BCAS1: variants seen among roughly 807,000 people sequenced by gnomAD.
BCAS1 encodes brain enriched myelin associated protein 1, also known as breast carcinoma-amplified sequence 1.
A neutral mutation model predicts 65.4 loss-of-function variants in BCAS1; 46 were observed. The ratio of observed to expected loss-of-function variants is 0.70; its 90% confidence interval spans 0.55 to 0.90. BCAS1 has a LOEUF of 0.90. Among genes scored for constraint, BCAS1 ranks in the 40% least tolerant of loss-of-function variants. The probability of loss-of-function intolerance (pLI) is 0.00; values close to 1 mark genes in which losing one functional copy is unlikely to be tolerated. For missense variants in BCAS1, 793 were observed against 771.2 expected, an observed-to-expected ratio of 1.03 and a Z score of -0.33; for synonymous variants, 298 against 293.5, an observed-to-expected ratio of 1.02 and a Z score of -0.16.
chr20:53,975,385 TTA>T lies in BCAS1; in HGVS notation c.1317+2_1317+3del. ...ATGATTCTGCCGTGGTGTGTGTAACTTACATTCTCCTCCGCACCTGTGGGGAC... is the reference window on the plus strand; with the variant it reads ...ATGATTCTGCCGTGGTGTGTGTAACTCATTCTCCTCCGCACCTGTGGGGAC... On this transcript the variant is annotated splice_donor_variant and splice_donor_region_variant and intron_variant, in intron 9 of 12. Transcript: ENST00000688948. LOFTEE classifies it high-confidence loss of function. The T allele has an allele frequency of 6.2e-7, 1 of 1,611,504 alleles. No homozygotes were observed. The highest frequency in any genetic ancestry group is 8.5e-7 in the Non-Finnish European group (1 of 1,178,012).
chr20:53,992,696 TTC>T, intron 6 of BCAS1, 50 bp from the exon 7 acceptor site: 2 of 1,358,772 alleles, frequency 1.5e-6, no homozygotes, highest in Non-Finnish European at 2.0e-6. Context: ...TTGAACAAAA[TTC>T]TTTTTGTTTT....
At chr20:53,947,838 CCAGGG>C (rs1300650655) in intron 12 of BCAS1, among the ~76,000 whole-genome samples, 2 of 152,170 alleles carry the variant, frequency 1.3e-5, no homozygotes, top group Non-Finnish European at 2.9e-5. Flanking sequence ...CCTTTACAAC[CCAGGG>C]CAGGGGCTAA....
At chr20:54,036,193 C>G (rs1217952102) in intron 3 of BCAS1, among the ~76,000 whole-genome samples, 1 of 150,812 alleles carries the variant, frequency 6.6e-6, no homozygotes, top group Non-Finnish European at 1.5e-5. Flanking sequence ...ACAAATTTAC[C>G]TATATAACAA....
At chr20:54,020,566 C>T (rs753206646) in intron 4 of BCAS1, among the ~76,000 whole-genome samples, 7 of 152,188 alleles carry the variant, frequency 4.6e-5, no homozygotes, top group African/African-American at 7.2e-5. Context: ...TGAACCATGA[C>T]GTGTACCACC....
At chr20:54,033,003 G>C (rs1481049554) in intron 3 of BCAS1, among the ~76,000 whole-genome samples, 1 of 150,468 alleles carries the variant, frequency 6.6e-6, no homozygotes, top group Non-Finnish European at 1.5e-5. Context: ...TGTCCTACTT[G>C]AAACCATACA....
At chr20:54,001,255 A>G (rs149233767) in intron 4 of BCAS1, among the ~76,000 whole-genome samples, 146 of 152,326 alleles carry the variant, frequency 9.6e-4, no homozygotes, top group African/African-American at 3.1e-3. Flanking sequence ...TTTAACTTCC[A>G]AGCTGCCCTT....
chr20:53,970,478 A>T (rs747222313), intron 9 of BCAS1, among the ~76,000 whole-genome samples: 6 of 152,240 alleles, frequency 3.9e-5, no homozygotes, highest in Non-Finnish European at 7.3e-5. Context: ...AATTTCTCCT[A>T]GGCCAGGGCT....
chr20:53,969,595 G>C (rs1386372939), intron 9 of BCAS1, among the ~76,000 whole-genome samples: 3 of 152,072 alleles, frequency 2.0e-5, no homozygotes, highest in African/African-American at 7.2e-5. Context: ...ATCTAATAGT[G>C]GCTTAACCAA....
intron 11 of BCAS1, among the ~76,000 whole-genome samples, chr20:53,955,485 C>G (rs778658377): frequency 3.9e-5 from 6 of 152,124 alleles, no homozygotes; most frequent in Admixed American, 2.0e-4. Flanking sequence ...AGTTCAAATG[C>G]CTTGTTAACT....
intron 3 of BCAS1, among the ~76,000 whole-genome samples, chr20:54,037,012 G>A (rs2091910602): frequency 6.7e-6 from 1 of 150,340 alleles, no homozygotes; most frequent in South Asian, 2.1e-4. Flanking sequence ...ACACACACAC[G>A]TTTGTATTAC....
At chr20:53,968,444 T>C (rs1282041282) in intron 9 of BCAS1, among the ~76,000 whole-genome samples, 1 of 152,202 alleles carries the variant, frequency 6.6e-6, no homozygotes, top group Non-Finnish European at 1.5e-5. Flanking sequence ...GAAACTATTT[T>C]CTTTCCCATC....
intron 9 of BCAS1, among the ~76,000 whole-genome samples, chr20:53,973,667 A>C (rs933511196): frequency 1.3e-5 from 2 of 152,192 alleles, no homozygotes; most frequent in African/African-American, 4.8e-5. Context: ...CGTAGAAAGA[A>C]GTCTTGTGGA....
intron 10 of BCAS1, among the ~76,000 whole-genome samples, chr20:53,960,953 C>T (rs922468008): frequency 2.6e-5 from 4 of 152,140 alleles, no homozygotes; most frequent in East Asian, 3.8e-4. Context: ...AGAGATTTTC[C>T]AGTGTGATAT....
chr20:54,032,350 C>G (rs796677870), intron 3 of BCAS1, among the ~76,000 whole-genome samples: 4 of 151,272 alleles, frequency 2.6e-5, no homozygotes, highest in African/African-American at 7.2e-5. Flanking sequence ...ATGGAAAGAC[C>G]ATTACCAGAC....
intron 9 of BCAS1, among the ~76,000 whole-genome samples, chr20:53,968,769 G>C (rs932390361): frequency 2.2e-4 from 34 of 152,316 alleles, no homozygotes; most frequent in Admixed American, 2.1e-3. Flanking sequence ...GTAGTGACAG[G>C]GATGATGACA....
intron 10 of BCAS1, among the ~76,000 whole-genome samples, chr20:53,960,573 C>A (rs2089848997): frequency 6.7e-6 from 1 of 148,950 alleles, no homozygotes; most frequent in African/African-American, 2.5e-5. Context: ...TGTATGTATG[C>A]AAAGGTGACT....
intron 9 of BCAS1, among the ~76,000 whole-genome samples, chr20:53,974,388 C>T (rs541905288): frequency 6.6e-6 from 1 of 152,314 alleles, no homozygotes; most frequent in South Asian, 2.1e-4. Flanking sequence ...GACCAAGAAC[C>T]CACCGGAAGG....
intron 1 of BCAS1, among the ~76,000 whole-genome samples, chr20:54,065,508 C>G (rs2092428952): frequency 6.6e-6 from 1 of 152,108 alleles, no homozygotes; most frequent in Non-Finnish European, 1.5e-5. Context: ...AGGCTGGGGA[C>G]GCTGCTACAT....
intron 11 of BCAS1, among the ~76,000 whole-genome samples, chr20:53,956,305 GAC>G (rs1435776789): frequency 6.6e-6 from 1 of 152,174 alleles, no homozygotes; most frequent in Non-Finnish European, 1.5e-5. Context: ...GCCGTGTAAG[GAC>G]ACACAAGCAA....
Sources: gnomAD v4.1 joint callset for allele counts (sites outside exome capture counted in the v4.1 genomes callset) on GRCh38, gnomAD v4.1.1 for gene constraint, MANE v1.5 for transcripts, NCBI Gene and HGNC (gene_info 2026-07-23, HGNC 2026-07-21) for gene names.